ATP6V1E1: variants seen among roughly 807,000 people sequenced by gnomAD.
ATP6V1E1 encodes V-type proton ATPase subunit E 1.
Under a neutral mutation model 35.2 loss-of-function variants are expected in ATP6V1E1, and 21 were observed. The observed-to-expected ratio is 0.60, with a 90% CI of 0.42 to 0.86. The LOEUF (loss-of-function observed/expected upper bound fraction) is 0.86. Ranked by LOEUF, ATP6V1E1 falls within the 40% of genes least tolerant of loss-of-function variation. The probability of loss-of-function intolerance (pLI) is 0.00; values close to 1 mark genes in which losing one functional copy is unlikely to be tolerated. For synonymous variants in ATP6V1E1, 83 were observed against 87.8 expected (o/e 0.95, Z 0.30); for missense variants, 183 against 272.6 (o/e 0.67, Z 2.32).
At chr22:17,612,780 A>C in intron 4 of ATP6V1E1, 32 bp downstream of exon 4, 1 of 1,491,936 alleles carries the variant, frequency 6.7e-7, no homozygotes, top group East Asian at 2.4e-5. Flanking sequence ...AACATGTAAT[A>C]ATTTTATAAC....
chr22:17,603,293 G>A (rs2057770476), intron 4 of ATP6V1E1, among the ~76,000 whole-genome samples: 6 of 152,058 alleles, frequency 3.9e-5, no homozygotes, highest in Admixed American at 1.3e-4. Flanking sequence ...AGGCATAGGT[G>A]GCAGGACTGC....
intron 6 of ATP6V1E1, 89 bp downstream of exon 6, chr22:17,599,938 A>T: frequency 4.1e-6 from 4 of 984,226 alleles, no homozygotes; most frequent in Non-Finnish European, 6.0e-6. Flanking sequence ...AAAAAAGAAA[A>T]GGAAGGAAGG....
chr22:17,598,893 C>T (rs78275787), intron 6 of ATP6V1E1, among the ~76,000 whole-genome samples: 3,000 of 152,252 alleles, frequency 0.02, 94 homozygotes, highest in African/African-American at 0.069. Flanking sequence ...TTATTCACAA[C>T]AGCCAAAAGG....
intron 1 of ATP6V1E1, among the ~76,000 whole-genome samples, chr22:17,624,481 G>A (rs1029400895): frequency 3.9e-5 from 6 of 152,118 alleles, no homozygotes; most frequent in African/African-American, 1.4e-4. Context: ...TTGAACCCGG[G>A]AGGCAGAGGC....
chr22:17,610,825 G>C (rs1384849856), intron 4 of ATP6V1E1, among the ~76,000 whole-genome samples: 1 of 152,152 alleles, frequency 6.6e-6, no homozygotes, highest in African/African-American at 2.4e-5. Context: ...TAGAAGGAAG[G>C]GTTATCACTG....
chr22:17,599,019 G>A (rs895740333), intron 6 of ATP6V1E1, among the ~76,000 whole-genome samples: 3 of 152,026 alleles, frequency 2.0e-5, no homozygotes, highest in Admixed American at 1.3e-4. Flanking sequence ...CACCCTACAG[G>A]GACCTTGAAG....
At chr22:17,612,431 G>T (rs746735009) in intron 4 of ATP6V1E1, among the ~76,000 whole-genome samples, 4 of 152,102 alleles carry the variant, frequency 2.6e-5, no homozygotes, top group Non-Finnish European at 4.4e-5. Flanking sequence ...CCTTATTTAT[G>T]ATATTCTCCA....
At chr22:17,606,385 C>T (rs2057787069) in intron 4 of ATP6V1E1, among the ~76,000 whole-genome samples, 1 of 152,146 alleles carries the variant, frequency 6.6e-6, no homozygotes, top group Non-Finnish European at 1.5e-5. Flanking sequence ...CAGATTGAAT[C>T]CTGTTTGATC....
intron 2 of ATP6V1E1, among the ~76,000 whole-genome samples, chr22:17,617,645 T>C (rs1338341035): frequency 6.6e-6 from 1 of 152,072 alleles, no homozygotes; most frequent in East Asian, 1.9e-4. Context: ...GTTATGATTA[T>C]ACCTTGGGAA....
intron 1 of ATP6V1E1, among the ~76,000 whole-genome samples, chr22:17,623,065 CT>C (rs61171586): frequency 2.6e-5 from 4 of 152,228 alleles, no homozygotes; most frequent in African/African-American, 9.6e-5. Context: ...CCCTACTTTT[CT>C]TTTTTTTCTT....
At chr22:17,608,356 C>CTGAA (rs1363423608) in intron 4 of ATP6V1E1, among the ~76,000 whole-genome samples, 1 of 152,222 alleles carries the variant, frequency 6.6e-6, no homozygotes, top group Non-Finnish European at 1.5e-5. Context: ...GTGGTATGAA[C>CTGAA]TGAATGACTG....
At chr22:17,601,650 C>T (rs2057762598) in intron 4 of ATP6V1E1, among the ~76,000 whole-genome samples, 1 of 152,226 alleles carries the variant, frequency 6.6e-6, no homozygotes, top group Non-Finnish European at 1.5e-5. Flanking sequence ...TCTTCTAACC[C>T]AGGCTGGAGT....
intron 2 of ATP6V1E1, among the ~76,000 whole-genome samples, chr22:17,615,318 T>C (rs538729318): frequency 3.5e-4 from 53 of 152,110 alleles, no homozygotes; most frequent in African/African-American, 1.3e-3. Context: ...TATTAATTTT[T>C]TTATACATAA....
intron 2 of ATP6V1E1, among the ~76,000 whole-genome samples, chr22:17,618,728 G>A (rs563884111): frequency 7.3e-5 from 11 of 151,402 alleles, no homozygotes; most frequent in South Asian, 4.2e-4. Context: ...GGCTGGGCAC[G>A]GTGTTTCACA....
intron 4 of ATP6V1E1, among the ~76,000 whole-genome samples, chr22:17,608,875 A>C (rs1455626885): frequency 6.6e-6 from 1 of 152,206 alleles, no homozygotes; most frequent in African/African-American, 2.4e-5. Context: ...TCACGAGGTC[A>C]GGAAATCGAG....
intron 2 of ATP6V1E1, among the ~76,000 whole-genome samples, chr22:17,614,008 T>A (rs1459718851): frequency 6.6e-6 from 1 of 151,390 alleles, no homozygotes; most frequent in Non-Finnish European, 1.5e-5. Flanking sequence ...TAAAATGTGG[T>A]CGAGTAACCT....
chr22:17,615,559 C>T (rs2057839733), intron 2 of ATP6V1E1, among the ~76,000 whole-genome samples: 1 of 151,806 alleles, frequency 6.6e-6, no homozygotes, highest in Non-Finnish European at 1.5e-5. Context: ...AGGAGAATCG[C>T]TTGAACCCAG....
rs954990470 is a variant in ATP6V1E1, at chr22:17,592,412, C to T, written c.*262G>A. On this transcript the variant is annotated 3_prime_UTR_variant, in exon 9 of 9. Transcript: ENST00000253413. ...GAAGCCCATGCAACCACCATCTGCC[C>T]CCTCCCCTAGTGCTGCAGAACCGGC... 4.9e-5 allele frequency: 23 copies of T among 471,492 alleles called. No homozygotes were observed. The Admixed American group carries it at 7.8e-4, about 16-fold the overall frequency. 29.2% of individuals were successfully genotyped at this position (471,492 alleles called of 1,614,324 possible). A position where few individuals can be genotyped will look rare whatever the true frequency, so the allele number is the denominator to read the frequency against.
At chr22:17,598,078 A>C in intron 7 of ATP6V1E1, 116 bp downstream of exon 7, 1 of 789,442 alleles carries the variant, frequency 1.3e-6, no homozygotes, top group African/African-American at 1.7e-5. Flanking sequence ...CCACAGCTCT[A>C]GCCTTGTGTC....
Sources: allele counts gnomAD v4.1 joint callset (sites outside exome capture counted in the v4.1 genomes callset), GRCh38; gene constraint gnomAD v4.1.1; transcripts MANE v1.5; gene names NCBI Gene and HGNC (gene_info 2026-07-23, HGNC 2026-07-21).